The following PCDHGA3 variants were observed in gnomAD, a reference collection of about 807,000 sequenced individuals.
PCDHGA3 encodes the protein protocadherin gamma-A3.
Under a neutral mutation model 58.5 loss-of-function variants are expected in PCDHGA3, and 40 were observed. The ratio of observed to expected loss-of-function variants is 0.68; its 90% CI spans 0.53 to 0.89. The LOEUF (loss-of-function observed/expected upper bound fraction) is 0.89, where lower values mean the gene tolerates loss of function less well. Among genes scored for constraint, PCDHGA3 ranks in the 40% least tolerant of loss-of-function variants. The pLI is 0.00. For missense variants in PCDHGA3, 1,223 were observed against 1,195.9 expected (o/e 1.02, Z -0.33); for synonymous variants, 530 against 525.7 (o/e 1.01, Z -0.11).
intron 1 of PCDHGA3, chr5:141,382,604 A>G (rs746848430): frequency 2.6e-5 from 7 of 268,716 alleles, no homozygotes; most frequent in Non-Finnish European, 3.5e-5. Flanking sequence ...ACAATTTTCT[A>G]TGAAATCAGT....
intron 1 of PCDHGA3, chr5:141,374,698 A>G: frequency 6.2e-7 from 1 of 1,609,364 alleles, no homozygotes; most frequent in Non-Finnish European, 8.5e-7. Context: ...GGGAAGGAGA[A>G]GCCGTTTACC....
chr5:141,435,979 C>T (rs1036607924), intron 1 of PCDHGA3, among the ~76,000 whole-genome samples: 4 of 152,008 alleles, frequency 2.6e-5, no homozygotes, highest in Non-Finnish European at 5.9e-5. Flanking sequence ...TGTGGTTCTA[C>T]TTGTGTGATT....
At chr5:141,388,492 A>G (rs2091380241) in intron 1 of PCDHGA3, 7 of 1,613,742 alleles carry the variant, frequency 4.3e-6, no homozygotes, top group South Asian at 1.1e-5. Flanking sequence ...TTGGACAGAG[A>G]AAAGCAGAAA....
At chr5:141,500,866 A>G (rs576713520) in intron 2 of PCDHGA3, among the ~76,000 whole-genome samples, 19 of 146,112 alleles carry the variant, frequency 1.3e-4, no homozygotes, top group South Asian at 4.3e-4. Context: ...AAACATACAC[A>G]TTCATTTACA....
chr5:141,374,091 C>A, intron 1 of PCDHGA3: 1 of 1,536,766 alleles, frequency 6.5e-7, no homozygotes, highest in Non-Finnish European at 8.8e-7. Context: ...GTAATGGCGC[C>A]TCCGCAGAGG....
rs748758865 is a variant in PCDHGA3, at chr5:141,344,491, C to T, written c.458C>T (p.Pro153Leu). The change falls in exon 1 of 4, where the codon CCA becomes CTA. Residue 153 changes from proline (P) to leucine (L), a missense_variant. Pro to Leu is a moderately conservative substitution (Grantham distance 98). This residue lies in a region of PCDHGA3 where 791 missense variants were observed against 708.5 expected (regional missense o/e 1.12). Transcript: ENST00000253812. Reference sequence around the variant, plus strand: ...CTAACGGTTCCTGGAACCCGATTTCCAATTAAAACTGCTTTTGACCCAGAT... The same window carrying T: ...CTAACGGTTCCTGGAACCCGATTTCTAATTAAAACTGCTTTTGACCCAGAT... ...GELTVPGTRF[P>L]IKTAFDPDVG... The T allele has an allele frequency of 1.2e-6, 2 of 1,613,874 alleles. No homozygotes were observed. The highest frequency in any genetic ancestry group is 1.7e-6 in the Non-Finnish European group (2 of 1,179,878).
chr5:141,344,268 C>G lies in PCDHGA3; in HGVS notation c.235C>G (p.Pro79Ala). 3.1e-6 allele frequency: 5 copies of G among 1,614,068 alleles called. No homozygotes were observed. The highest frequency in any genetic ancestry group is 4.2e-6 in the Non-Finnish European group (5 of 1,179,922). ...RGRTQLFSLN[P>A]QSGSLVTAER... ...TAGGACGCAGCTTTTCTCTCTGAAT[C>G]CGCAAAGCGGCAGCTTGGTCACCGC... The change falls in exon 1 of 4, where the codon CCG (proline) becomes GCG (alanine). Residue 79 changes from proline to alanine, a missense_variant. By Grantham distance (27) the Pro-to-Ala change is conservative (BLOSUM62 -1). This residue lies in a region of PCDHGA3 where 791 missense variants were observed against 708.5 expected (regional missense o/e 1.12). Coordinates refer to ENST00000253812, the MANE Select transcript of PCDHGA3 (RefSeq NM_018916.4).
chr5:141,344,877 G>C lies in PCDHGA3; in HGVS notation c.844G>C (p.Asp282His), dbSNP rs768877303. 24 of 1,613,902 alleles carry C rather than the reference G, an allele frequency of 1.5e-5. No individual in the cohort carries two copies. Among genetic ancestry groups the C allele is most frequent in the Non-Finnish European group, 1.9e-5 (22 of 1,179,860 alleles). ...CAATGCTCAAGTGTCTTATATTCTAGATAAAATGCCTGGGAAAATCGCTGA... is the reference window on the plus strand; with the variant it reads ...CAATGCTCAAGTGTCTTATATTCTACATAAAATGCCTGGGAAAATCGCTGA... ...GFNAQVSYIL[D>H]KMPGKIAEIF... is the part of the protein sequence containing the mutation. The change falls in exon 1 of 4, where the codon GAT becomes CAT. Residue 282 changes from aspartate to histidine, a missense_variant. Around this residue, in one of 3 missense-constraint regions of PCDHGA3, gnomAD observed 791 missense variants for 708.5 expected, o/e 1.12. Transcript: ENST00000253812.
At chr5:141,362,456 T>A (rs373414184) in intron 1 of PCDHGA3, 3 of 1,614,050 alleles carry the variant, frequency 1.9e-6, no homozygotes, top group Non-Finnish European at 2.5e-6. Context: ...ACCCCGGAAT[T>A]GGTTCCCGCG....
At chr5:141,365,445 A>G (rs774993961) in intron 1 of PCDHGA3, 3 of 1,613,936 alleles carry the variant, frequency 1.9e-6, no homozygotes, top group Non-Finnish European at 2.5e-6. Flanking sequence ...TTTAGCGTAC[A>G]TGATGGTGAT....
In PCDHGA3 at chr5:141,432,670, G is replaced by C; in HGVS notation, c.2425-62137G>C. On this transcript the variant is annotated intron_variant, in intron 1 of 3. Transcript: ENST00000253812. The surrounding 1 kb of genome is among the most constrained non-coding windows in gnomAD (Gnocchi z 6.0). ...CGCGAGCCCTGCTGGACAGAGACGCGCTCAAGCAGAGCCTCGTAGTGGCCG... is the reference window on the plus strand; with the variant it reads ...CGCGAGCCCTGCTGGACAGAGACGCCCTCAAGCAGAGCCTCGTAGTGGCCG... 1 of 1,613,868 alleles carries C rather than the reference G, an allele frequency of 6.2e-7. No homozygotes were observed. The highest frequency in any genetic ancestry group is 8.5e-7 in the Non-Finnish European group (1 of 1,179,940).
chr5:141,374,907 G>T (rs778308894), intron 1 of PCDHGA3: 1 of 1,613,828 alleles, frequency 6.2e-7, no homozygotes, highest in Non-Finnish European at 8.5e-7. Flanking sequence ...GGAGTCCACG[G>T]GGAAGTAACT....
chr5:141,373,908 A>C, intron 1 of PCDHGA3: 1 of 621,550 alleles, frequency 1.6e-6, no homozygotes, highest in Non-Finnish European at 2.6e-6. Flanking sequence ...ATCCTCCAAC[A>C]ACAAAGCAAA....
chr5:141,367,287 C>T (rs1765038188), intron 1 of PCDHGA3: 2 of 153,044 alleles, frequency 1.3e-5, no homozygotes, highest in African/African-American at 2.4e-5. Flanking sequence ...GCCTGTAATC[C>T]CAGCACTTTG....
chr5:141,417,524 T>C (rs2096128269), intron 1 of PCDHGA3: 1 of 271,098 alleles, frequency 3.7e-6, no homozygotes, highest in African/African-American at 2.2e-5. Flanking sequence ...GGCTGTCAAC[T>C]CGTAGTTTAA....
chr5:141,421,194 C>G, intron 1 of PCDHGA3: 1 of 1,498,922 alleles, frequency 6.7e-7, no homozygotes, highest in South Asian at 1.3e-5. Context: ...CCAACCAGCT[C>G]GAGAAACCGC....
chr5:141,348,198 G>C (rs570583538), intron 1 of PCDHGA3, among the ~76,000 whole-genome samples: 6 of 152,322 alleles, frequency 3.9e-5, no homozygotes, highest in Non-Finnish European at 7.3e-5. Flanking sequence ...CAAAAGAATA[G>C]ATTCCTCCCT....
chr5:141,345,178 T>G lies in PCDHGA3; in HGVS notation c.1145T>G (p.Val382Gly), dbSNP rs751084967. Reference protein sequence around the residue: ...HDRDSGQNGQVEVFVLGNLPF... With the variant: ...HDRDSGQNGQGEVFVLGNLPF... ...CGAGATTCTGGGCAGAATGGGCAGG[T>G]TGAAGTTTTTGTCCTGGGAAATCTG... Residue 382 changes from valine (V) to glycine (G), a missense_variant, in exon 1 of 4, where the codon GTT (valine) becomes GGT (glycine). This residue lies in a region of PCDHGA3 where 791 missense variants were observed against 708.5 expected (regional missense o/e 1.12). Transcript: ENST00000253812. 40 of 1,613,768 alleles carry G rather than the reference T, an allele frequency of 2.5e-5. No homozygotes were observed. The highest frequency in any genetic ancestry group is 3.3e-5 in the Non-Finnish European group (39 of 1,179,888).
At chr5:141,364,420 G>C (rs1763313585) in intron 1 of PCDHGA3, 1 of 1,613,554 alleles carries the variant, frequency 6.2e-7, no homozygotes. Flanking sequence ...GATCCGGGCA[G>C]ATCCGCTACT....
Sources: gnomAD v4.1 joint callset for allele counts (sites outside exome capture counted in the v4.1 genomes callset) on GRCh38, gnomAD v4.1.1 for gene constraint, gnomAD v4.1.1 regional missense constraint, Gnocchi (gnomAD v3.1) non-coding constraint, MANE v1.5 for transcripts, NCBI Gene and HGNC (gene_info 2026-07-23, HGNC 2026-07-21) for gene names.